The following HJURP variants were observed in gnomAD, a reference collection of about 807,000 sequenced individuals.
HJURP encodes the protein Holliday junction recognition protein.
A neutral mutation model predicts 72.0 loss-of-function variants in HJURP; 49 were observed. The ratio of observed to expected loss-of-function variants is 0.68; its 90% CI spans 0.54 to 0.86. The LOEUF (loss-of-function observed/expected upper bound fraction) is 0.86, where lower values mean the gene tolerates loss of function less well. HJURP is among the 40% of genes least tolerant of loss of function. HJURP has a pLI of 0.00. For synonymous variants in HJURP, 357 were observed against 347.1 expected (o/e 1.03, Z -0.32); for missense variants, 908 against 936.3 (o/e 0.97, Z 0.39).
At position 233,841,792 on chromosome 2, in the gene HJURP, G is replaced by T; in HGVS notation, c.988C>A (p.Pro330Thr). The change falls in exon 8 of 9, where the codon CCT becomes ACT. Residue 330 changes from proline (P) to threonine (T), a missense_variant. By Grantham distance (38) the Pro-to-Thr change is conservative (BLOSUM62 -1). Transcript: ENST00000411486. Reference protein sequence around the residue: ...SKENFIPCSEPVKGTGALRDC... With the variant: ...SKENFIPCSETVKGTGALRDC... ...CTTAATGCCCCTGTCCCTTTCACAG[G>T]CTCAGAGCAGGGTATGAAGTTCTCC... The T allele has an allele frequency of 6.2e-7, 1 of 1,614,114 alleles. No homozygotes were observed. The highest frequency in any genetic ancestry group is 8.5e-7 in the Non-Finnish European group (1 of 1,179,990).
chr2:233,852,483 G>T (rs1389036709), intron 3 of HJURP, 82 bp downstream of exon 3: 2 of 987,360 alleles, frequency 2.0e-6, no homozygotes, highest in South Asian at 1.3e-5. Flanking sequence ...TAAGCTCAGA[G>T]GTTGGGCATA....
chr2:233,852,674 T>G (rs2124979165), intron 2 of HJURP, 54 bp from the exon 3 acceptor site: 3 of 1,315,660 alleles, frequency 2.3e-6, no homozygotes, highest in Non-Finnish European at 3.3e-6. Context: ...GCTGAACTTC[T>G]GCTCAATCTG....
rs774814363 is a variant in HJURP at position 233,841,700 on chromosome 2, A to G, written c.1080T>C (p.Leu360=). Residue 360 remains leucine, a synonymous_variant, in exon 8 of 9, where the codon CTT becomes CTC. Coordinates refer to ENST00000411486, the MANE Select transcript of HJURP (RefSeq NM_018410.5). Reference sequence around the variant, plus strand: ...TATGGATTTGGGGTCTGTTGACTTCAAGAAAAGCTTTTTCCAATTTTAAAC... The same window carrying G: ...TATGGATTTGGGGTCTGTTGACTTCGAGAAAAGCTTTTTCCAATTTTAAAC... ...KTGLKLEKAF[L]EVNRPQIHKL... 3.1e-6 allele frequency: 5 copies of G among 1,614,224 alleles called. No homozygotes were observed. The Admixed American group carries it at 8.3e-5, about 27-fold the overall frequency.
Position 233,842,129 on chromosome 2 carries a change from A to T in HJURP, c.651T>A (p.Pro217=). 6.2e-7 allele frequency: 1 copy of T among 1,614,082 alleles called. No homozygotes were observed. The highest frequency in any genetic ancestry group is 8.5e-7 in the Non-Finnish European group (1 of 1,179,922). ...CCATGTCTGTGGAGGAAGGATGCAA[A>T]GGATCCCATTCTCTGGGAGATGAAG... ...KPASSPREWD[P]LHPSSTDMAL... Residue 217 remains proline (P), a synonymous_variant, in exon 8 of 9, where the codon CCT becomes CCA. Coordinates refer to ENST00000411486, the MANE Select transcript of HJURP (RefSeq NM_018410.5).
At position 233,847,420 on chromosome 2, in the gene HJURP, C is replaced by T. The variant is rs1380605625; in HGVS notation, c.379G>A (p.Glu127Lys). The T allele has an allele frequency of 3.7e-6, 6 of 1,614,012 alleles. No homozygotes were observed. Among genetic ancestry groups the T allele is most frequent in the Middle Eastern group, 1.6e-4 (1 of 6,084 alleles). Reference protein sequence around the residue: ...GEVDATSDQEESVAWALAPAV... With the variant: ...GEVDATSDQEKSVAWALAPAV... ...ACTGCTAAGGCCCAAGCAACTGACT[C>T]TTCCTGGTCTGACGTGGCATCGACC... Residue 127 changes from glutamate (E) to lysine (K), a missense_variant, in exon 5 of 9, where the codon GAG becomes AAG. Glu to Lys is a moderately conservative substitution (Grantham distance 56). Transcript: ENST00000411486.
chr2:233,842,342 T>C, intron 7 of HJURP, 137 bp from the exon 8 acceptor site: 1 of 671,614 alleles, frequency 1.5e-6, no homozygotes, highest in Non-Finnish European at 2.5e-6. Context: ...CACAAATGTG[T>C]AGGAGTAGAC....
At chr2:233,854,313 G>A in intron 1 of HJURP, 71 bp downstream of exon 1, 4 of 1,084,226 alleles carry the variant, frequency 3.7e-6, no homozygotes, top group Non-Finnish European at 5.4e-6. Flanking sequence ...TTCCCTTCCC[G>A]TCCTACGTCC....
chr2:233,837,597 A>T lies in HJURP; in HGVS notation c.2227T>A (p.Leu743Met). 6.2e-7 allele frequency: 1 copy of T among 1,610,144 alleles called. No homozygotes were observed. Residue 743 changes from leucine to methionine, a missense_variant, in exon 9 of 9, where the codon TTG (leucine) becomes ATG (methionine). Leu to Met is a conservative substitution (Grantham distance 15, BLOSUM62 2). This residue lies in a region of HJURP where 598 missense variants were observed against 619.5 expected (regional missense o/e 0.97). Transcript: ENST00000411486. Reference sequence around the variant, plus strand: ...CCTAGCTACACACTTTTAGTTTCCAATTTTTCTAGCATGAAATCACTTTTC... The same window carrying T: ...CCTAGCTACACACTTTTAGTTTCCATTTTTTCTAGCATGAAATCACTTTTC... The part of the protein sequence containing the change: ...EEKSDFMLEK[L>M]ETKSV
chr2:233,847,797 C>T (rs1705404439), intron 4 of HJURP, among the ~76,000 whole-genome samples: 3 of 152,184 alleles, frequency 2.0e-5, no homozygotes, highest in African/African-American at 7.2e-5. Context: ...TGCCTGCTGT[C>T]CTAGGCCAGC....
chr2:233,846,024 C>CAT lies in HJURP; in HGVS notation c.403-205_403-204insAT. The CAT allele has an allele frequency of 2.0e-6, 1 of 506,206 alleles. No individual in the cohort carries two copies. Among genetic ancestry groups the CAT allele is most frequent in the Non-Finnish European group, 3.5e-6 (1 of 285,212 alleles). 31.4% of individuals were successfully genotyped at this position (506,206 alleles called of 1,614,324 possible). A position where few individuals can be genotyped will look rare whatever the true frequency, so the allele number is the denominator to read the frequency against. On this transcript the variant is annotated intron_variant, in intron 5 of 8. Coordinates refer to ENST00000411486, the MANE Select transcript of HJURP (RefSeq NM_018410.5). The surrounding 1 kb of genome is among the most constrained non-coding windows in gnomAD (Gnocchi z 4.3). The stretch of plus-strand genomic sequence containing the variant: ...ATCCAAAAGAATGTAAAAAGACACA[C>CAT]ACACACAAAAAAACCATGTCTAGAG...
Position 233,841,187 on chromosome 2 carries a change from G to T in HJURP, c.1593C>A (p.His531Gln), listed in dbSNP as rs1188807838. 1.2e-6 allele frequency: 2 copies of T among 1,614,100 alleles called. No homozygotes were observed. Among genetic ancestry groups the T allele is most frequent in the Admixed American group, 1.7e-5 (1 of 60,008 alleles). The stretch of plus-strand genomic sequence containing the variant: ...ATGTCTGCTGCGGGCGAGTTGCGCT[G>T]TGTGTGGGGTTGGTCTTTGGAAGTG... ...SSSLPKTNPT[H>Q]SATRPQQTSD... The change falls in exon 8 of 9, where the codon CAC becomes CAA. Residue 531 changes from histidine (H) to glutamine (Q), a missense_variant. His to Gln is a conservative substitution (Grantham distance 24). Around this residue, in one of 3 missense-constraint regions of HJURP, gnomAD observed 598 missense variants for 619.5 expected, o/e 0.97. Transcript: ENST00000411486.
At chr2:233,852,718 A>C (rs1444979644) in intron 2 of HJURP, 98 bp from the exon 3 acceptor site, 1 of 843,082 alleles carries the variant, frequency 1.2e-6, no homozygotes, top group Non-Finnish European at 2.0e-6. Context: ...AGGCAAAAAA[A>C]AGGTACAATA....
intron 7 of HJURP, among the ~76,000 whole-genome samples, chr2:233,843,374 T>C (rs1413398660): frequency 1.3e-5 from 2 of 152,166 alleles, no homozygotes; most frequent in Admixed American, 1.3e-4. Context: ...AACATCGAAG[T>C]AAGGTCTTAC....
rs200790105 is a variant in HJURP at position 233,841,136 on chromosome 2, A to C, written c.1644T>G (p.Ser548Arg). ...ACACTGACTTTCTAAATATTCCAGA[A>C]CTATTTCCCTGAACGTGAAGGTCAG... The part of the protein sequence containing the change: ...QTSDLHVQGN[S>R]SGIFRKSVSP... The change falls in exon 8 of 9, where the codon AGT becomes AGG. Residue 548 changes from serine to arginine, a missense_variant. Coordinates refer to ENST00000411486, the MANE Select transcript of HJURP (RefSeq NM_018410.5). The C allele has an allele frequency of 4.3e-6, 7 of 1,614,008 alleles. No individual in the cohort carries two copies. In the Admixed American group the frequency reaches 6.7e-5, roughly 15 times the overall value.
In HJURP at chr2:233,849,825, C is replaced by T; in HGVS notation, c.275G>A (p.Gly92Asp). Residue 92 changes from glycine to aspartate, a missense_variant, in exon 4 of 9, where the codon GGC (glycine) becomes GAC (aspartate). Transcript: ENST00000411486. ...ACCCCAGGCTGCAGCTTGCACGGAG[C>T]CATCTGTCCTGTCCGCGGGCTTCAT... is the stretch of plus-strand genomic sequence containing the variant. The part of the protein sequence containing the change: ...SSMKPADRTD[G>D]SVQAAAWGPE... 2 of 1,554,018 alleles carry T rather than the reference C, an allele frequency of 1.3e-6. No homozygotes were observed. Among genetic ancestry groups the T allele is most frequent in the East Asian group, 4.8e-5 (2 of 41,332 alleles).
At chr2:233,844,147 G>T in intron 7 of HJURP, 58 bp downstream of exon 7, 1 of 1,442,620 alleles carries the variant, frequency 6.9e-7, no homozygotes, top group Non-Finnish European at 9.8e-7. Flanking sequence ...GGGCCACGCA[G>T]CTCCAACAAA....
chr2:233,851,108 T>TGGG (rs1371118985), intron 3 of HJURP, among the ~76,000 whole-genome samples: 1 of 152,244 alleles, frequency 6.6e-6, no homozygotes. Context: ...TCCTCCTACA[T>TGGG]TTTAAGCAAA....
Position 233,845,814 on chromosome 2 carries a change from C to T in HJURP, c.409G>A (p.Val137Met), listed in dbSNP as rs776459919. 4 of 1,610,148 alleles carry T rather than the reference C, an allele frequency of 2.5e-6. No homozygotes were observed. The highest frequency in any genetic ancestry group is 1.7e-5 in the Admixed American group (1 of 59,512). Reference protein sequence around the residue: ...ESVAWALAPAVPQSPLKNELR... With the variant: ...ESVAWALAPAMPQSPLKNELR... ...TCATTTTTCAAAGGGCTTTGAGGCA[C>T]TGCAGGCTGATCAAAAAAGAGAAGT... Residue 137 changes from valine (V) to methionine (M), a missense_variant, in exon 6 of 9, where the codon GTG (valine) becomes ATG (methionine). By Grantham distance (21) the Val-to-Met change is conservative. Around this residue, in one of 3 missense-constraint regions of HJURP, gnomAD observed 299 missense variants for 286.7 expected, o/e 1.04. Coordinates refer to ENST00000411486, the MANE Select transcript of HJURP (RefSeq NM_018410.5).
At position 233,840,845 on chromosome 2, in the gene HJURP, C is replaced by T. The variant is rs1228533465; in HGVS notation, c.1935G>A (p.Gly645=). The T allele has an allele frequency of 6.2e-7, 1 of 1,614,112 alleles. No homozygotes were observed. Among genetic ancestry groups the T allele is most frequent in the South Asian group, 1.1e-5 (1 of 91,084 alleles). ...GFQKLPSSPL[G]CRKSLLGSTA... is the part of the protein sequence containing the mutation. ...TTGAGCCCAGTAGACTTTTTCTGCACCCCAGGGGTGATGATGGCAACTTCT... is the reference window on the plus strand; with the variant it reads ...TTGAGCCCAGTAGACTTTTTCTGCATCCCAGGGGTGATGATGGCAACTTCT... Residue 645 remains glycine (G), a synonymous_variant, in exon 8 of 9, where the codon GGG becomes GGA. Transcript: ENST00000411486.
Sources: allele counts gnomAD v4.1 joint callset (sites outside exome capture counted in the v4.1 genomes callset), GRCh38; gene constraint gnomAD v4.1.1; regional missense constraint gnomAD v4.1.1; non-coding constraint Gnocchi (gnomAD v3.1); transcripts MANE v1.5; gene names NCBI Gene and HGNC (gene_info 2026-07-23, HGNC 2026-07-21).